Variants in ZEB1 observed in about 807,000 individuals in gnomAD.
The protein encoded by ZEB1 is zinc finger E-box binding homeobox 1, also known as zinc finger E-box-binding homeobox 1.
A neutral mutation model predicts 84.9 loss-of-function variants in ZEB1; 21 were observed. The ratio of observed to expected loss-of-function variants is 0.25; its 90% CI spans 0.18 to 0.36. The LOEUF (loss-of-function observed/expected upper bound fraction) is 0.36, where lower values mean the gene tolerates loss of function less well. ZEB1 is among the 10% of genes least tolerant of loss of function. The pLI, the probability that ZEB1 is intolerant of heterozygous loss-of-function variation, is 1.00. For missense variants in ZEB1, 1,104 were observed against 1,330.2 expected (o/e 0.83, Z 2.65); for synonymous variants, 420 against 471.1 (o/e 0.89, Z 1.41).
chr10:31,484,884 A>G (rs760907784), intron 2 of ZEB1, among the ~76,000 whole-genome samples: 19 of 152,090 alleles, frequency 1.2e-4, no homozygotes, highest in South Asian at 4.1e-4. Context: ...TATGGTAATT[A>G]GGTTATCATG....
At position 31,502,510 on chromosome 10, in the gene ZEB1, G is replaced by GT. The variant is rs770196130; in HGVS notation, c.484+2dup. On this transcript the variant is annotated splice_donor_variant, in intron 4 of 8. Coordinates refer to ENST00000424869, the MANE Select transcript of ZEB1 (RefSeq NM_001174096.2). LOFTEE classifies it high-confidence loss of function. ...GAAGCCAGTGGTCATGATGAAAATG[G>GT]TAAATGGATCTTAACAGTTGTGTTT... 6.2e-7 allele frequency: 1 copy of GT among 1,613,780 alleles called. No individual in the cohort carries two copies. Among genetic ancestry groups the GT allele is most frequent in the Non-Finnish European group, 8.5e-7 (1 of 1,179,720 alleles).
intron 7 of ZEB1, among the ~76,000 whole-genome samples, chr10:31,523,720 C>A (rs931680203): frequency 2.0e-5 from 3 of 152,148 alleles, no homozygotes; most frequent in African/African-American, 4.8e-5. Context: ...ACTGTGTTAT[C>A]CCCAACCTCA....
At chr10:31,383,736 T>C (rs562089989) in intron 1 of ZEB1, among the ~76,000 whole-genome samples, 16 of 152,264 alleles carry the variant, frequency 1.1e-4, no homozygotes, top group African/African-American at 3.8e-4. Context: ...ATGGCTAATG[T>C]TTGCCTTTTC....
chr10:31,387,645 C>A, intron 1 of ZEB1: 2 of 623,166 alleles, frequency 3.2e-6, no homozygotes, highest in Non-Finnish European at 4.0e-6. Flanking sequence ...GACATAATAG[C>A]TTCAGTTGAT....
intron 1 of ZEB1, among the ~76,000 whole-genome samples, chr10:31,409,637 C>G (rs2053851695): frequency 6.6e-6 from 1 of 152,106 alleles, no homozygotes; most frequent in South Asian, 2.1e-4. Context: ...TTCTTCCTAT[C>G]CATGAGCATG....
chr10:31,502,993 C>G (rs912778474), intron 4 of ZEB1, among the ~76,000 whole-genome samples: 1 of 152,034 alleles, frequency 6.6e-6, no homozygotes, highest in South Asian at 2.1e-4. Context: ...TTCAGACTCT[C>G]CTGAGAAGAA....
chr10:31,391,546 A>G (rs749423500), intron 1 of ZEB1, among the ~76,000 whole-genome samples: 3 of 152,058 alleles, frequency 2.0e-5, no homozygotes, highest in Non-Finnish European at 2.9e-5. Flanking sequence ...CTAACCTCTA[A>G]TGTCTCAGGT....
At chr10:31,390,337 C>A (rs1590738047) in intron 1 of ZEB1, among the ~76,000 whole-genome samples, 2 of 152,076 alleles carry the variant, frequency 1.3e-5, no homozygotes, top group South Asian at 2.1e-4. Flanking sequence ...TTTTAATAAT[C>A]CTCCAAAAAT....
At chr10:31,444,204 A>G (rs1240305155) in intron 1 of ZEB1, among the ~76,000 whole-genome samples, 4 of 137,846 alleles carry the variant, frequency 2.9e-5, no homozygotes, top group Non-Finnish European at 6.2e-5. Flanking sequence ...GGCTGCATAA[A>G]TGTCTTCTTT....
chr10:31,502,352 AGAT>A lies in ZEB1; in HGVS notation c.333_335del (p.Asp111del). The stretch of plus-strand genomic sequence containing the variant: ...AAAAGTATGCATTTTTTTTAGTAAA[AGAT>A]GATGAATGCGAGTCAGATGCAGAAA... On this transcript the variant is annotated inframe_deletion, in exon 4 of 9. Coordinates refer to ENST00000424869, the MANE Select transcript of ZEB1 (RefSeq NM_001174096.2). The A allele has an allele frequency of 6.2e-7, 1 of 1,613,654 alleles. No homozygotes were observed. The highest frequency in any genetic ancestry group is 8.5e-7 in the Non-Finnish European group (1 of 1,179,710).
chr10:31,381,625 A>G (rs1025959167), intron 1 of ZEB1: 25 of 152,188 alleles, frequency 1.6e-4, no homozygotes, highest in Non-Finnish European at 2.9e-4. Flanking sequence ...AAAGGTTTTA[A>G]AGCAAGAATG....
At chr10:31,321,700 GA>G in intron 1 of ZEB1, 1 of 950,672 alleles carries the variant, frequency 1.1e-6, no homozygotes, top group Non-Finnish European at 1.7e-6. Flanking sequence ...GGAAAGAATG[GA>G]TTTTTCTCCT....
intron 1 of ZEB1, among the ~76,000 whole-genome samples, chr10:31,386,077 A>G (rs1375951060): frequency 1.3e-5 from 2 of 152,040 alleles, no homozygotes; most frequent in Admixed American, 6.6e-5. Flanking sequence ...ATAGACAACC[A>G]TTTTATCACT....
At chr10:31,462,835 G>A (rs543947795) in intron 2 of ZEB1, among the ~76,000 whole-genome samples, 9 of 152,086 alleles carry the variant, frequency 5.9e-5, no homozygotes, top group African/African-American at 1.4e-4. Flanking sequence ...TCAACGAGAC[G>A]GCTGTAATAA....
chr10:31,319,609 G>T (rs972665870), intron 1 of ZEB1: 9 of 367,572 alleles, frequency 2.4e-5, no homozygotes, highest in African/African-American at 1.8e-4. Context: ...CGCAGGGCGG[G>T]CGGCCGGGAC....
intron 1 of ZEB1, among the ~76,000 whole-genome samples, chr10:31,365,016 A>G (rs2044192856): frequency 6.6e-6 from 1 of 152,176 alleles, no homozygotes; most frequent in Non-Finnish European, 1.5e-5. Flanking sequence ...TGCTCTTCTA[A>G]TGGAGCCTTT....
intron 1 of ZEB1, among the ~76,000 whole-genome samples, chr10:31,452,039 A>G (rs1591434075): frequency 1.3e-5 from 2 of 152,220 alleles, no homozygotes; most frequent in South Asian, 2.1e-4. Context: ...CCCCTTTTGC[A>G]GGGGTAAAAT....
At position 31,527,104 on chromosome 10, in the gene ZEB1, T is replaced by G. The variant is rs545057622; in HGVS notation, c.3218T>G (p.Val1073Gly). The G allele has an allele frequency of 1.3e-5, 20 of 1,595,468 alleles. No homozygotes were observed. In the South Asian group the frequency reaches 2.0e-4, roughly 16 times the overall value. The change falls in exon 9 of 9, where the codon GTG becomes GGG. Residue 1073 changes from valine (V) to glycine (G), a missense_variant. Transcript: ENST00000424869. ...GAAGAGGAGGAGGAGGAGGAAGAAG[T>G]GGAAGAAGAAGAGGTAGAAGAGGCA... ...DEEEEEEEEE[V>G]EEEEVEEAEN...
chr10:31,452,702 TGTGTG>T (rs1432071390), intron 1 of ZEB1, among the ~76,000 whole-genome samples: 40 of 35,790 alleles, frequency 1.1e-3, no homozygotes, highest in Middle Eastern at 0.017. Flanking sequence ...TAGGATAAAA[TGTGTG>T]TGTGTGTGTG....
Sources: allele counts gnomAD v4.1 joint callset (sites outside exome capture counted in the v4.1 genomes callset), GRCh38; gene constraint gnomAD v4.1.1; transcripts MANE v1.5; gene names NCBI Gene and HGNC (gene_info 2026-07-23, HGNC 2026-07-21).